Variants in GLIS3 observed in about 807,000 individuals in gnomAD.
GLIS3 encodes the protein GLIS family zinc finger 3, also known as zinc finger protein GLIS3.
In GLIS3, 53 loss-of-function variants were observed where a neutral mutation model predicts 78.6. That is an observed-to-expected ratio of 0.67 (90% confidence interval 0.54 to 0.85). GLIS3 has a LOEUF of 0.85. GLIS3 is among the 40% of genes least tolerant of loss of function. GLIS3 has a pLI of 0.00. For missense variants in GLIS3, 1,703 were observed against 1,231.1 expected (o/e 1.38, Z -5.74); for synonymous variants, 684 against 509.9 (o/e 1.34, Z -4.60).
intron 3 of GLIS3, among the ~76,000 whole-genome samples, chr9:4,123,355 A>G (rs1832329491): frequency 6.6e-6 from 1 of 152,142 alleles, no homozygotes; most frequent in South Asian, 2.1e-4. Flanking sequence ...CCTGCAGTAC[A>G]GTTTGAGAAT....
intron 2 of GLIS3, among the ~76,000 whole-genome samples, chr9:4,324,350 T>A (rs1034549734): frequency 6.6e-6 from 1 of 152,204 alleles, no homozygotes; most frequent in Non-Finnish European, 1.5e-5. Context: ...TTCAATGTCA[T>A]CTTAGATAAG....
the GLIS3 span, among the ~76,000 whole-genome samples, chr9:4,483,684 C>G: frequency 6.7e-6 from 1 of 149,172 alleles, no homozygotes; most frequent in African/African-American, 2.5e-5. Context: ...CATGCCACTG[C>G]GCTTCAGCCT....
chr9:4,090,842 G>A (rs889176692), intron 4 of GLIS3, among the ~76,000 whole-genome samples: 8 of 152,190 alleles, frequency 5.3e-5, no homozygotes, highest in African/African-American at 1.4e-4. Context: ...CTGGTATGCT[G>A]GAGTCACTAG....
intron 2 of GLIS3, among the ~76,000 whole-genome samples, chr9:4,273,457 G>A (rs747992301): frequency 2.0e-5 from 3 of 152,104 alleles, no homozygotes; most frequent in Non-Finnish European, 4.4e-5. Context: ...GCTGGGCATG[G>A]TAGCTAATGC....
the GLIS3 span, among the ~76,000 whole-genome samples, chr9:4,468,203 A>T: frequency 1.1e-4 from 17 of 152,348 alleles, no homozygotes; most frequent in East Asian, 3.3e-3. Context: ...CAAGTTGGAA[A>T]ACACTCTGCA....
intron 2 of GLIS3, among the ~76,000 whole-genome samples, chr9:4,194,546 G>A (rs535691945): frequency 2.0e-5 from 3 of 152,282 alleles, no homozygotes; most frequent in African/African-American, 7.2e-5. Flanking sequence ...TCAGCCACTT[G>A]GAAACAGCAA....
chr9:4,326,734 C>G (rs375545101), intron 2 of GLIS3, among the ~76,000 whole-genome samples: 5 of 151,994 alleles, frequency 3.3e-5, no homozygotes, highest in Admixed American at 3.3e-4. Context: ...ATGGAACCTA[C>G]AGCAACAGCA....
chr9:4,274,807 T>G (rs974825011), intron 2 of GLIS3, among the ~76,000 whole-genome samples: 1 of 152,182 alleles, frequency 6.6e-6, no homozygotes, highest in Admixed American at 6.5e-5. Context: ...ATTGTTAAAA[T>G]GCACATTCTG....
intron 2 of GLIS3, among the ~76,000 whole-genome samples, chr9:4,345,120 G>A (rs1220857064): frequency 1.3e-5 from 2 of 152,084 alleles, no homozygotes; most frequent in Non-Finnish European, 2.9e-5. Flanking sequence ...CCCCCTCAGA[G>A]CAAAAGCCTG....
intron 2 of GLIS3, among the ~76,000 whole-genome samples, chr9:4,172,900 A>G (rs1463957029): frequency 6.6e-6 from 1 of 152,208 alleles, no homozygotes; most frequent in African/African-American, 2.4e-5. Flanking sequence ...AGATCAGGCT[A>G]TCATGTAGGG....
At chr9:3,915,922 A>G (rs1377864757) in intron 6 of GLIS3, among the ~76,000 whole-genome samples, 1 of 152,214 alleles carries the variant, frequency 6.6e-6, no homozygotes, top group Non-Finnish European at 1.5e-5. Context: ...ACCATCCTCC[A>G]AAGAACTAGG....
chr9:3,908,706 G>GTTTTTTTTTTTTTTTTTTTTTTTTTT (rs34789708), intron 6 of GLIS3, among the ~76,000 whole-genome samples: 2 of 85,562 alleles, frequency 2.3e-5, no homozygotes, highest in Admixed American at 1.5e-4. Flanking sequence ...ATTTGTATTT[G>GTTTTTTTTTTTTTTTTTTTTTTTTTT]TTTTTTTTTT....
chr9:3,976,937 C>T (rs1032000215), intron 4 of GLIS3, among the ~76,000 whole-genome samples: 1 of 150,076 alleles, frequency 6.7e-6, no homozygotes, highest in Non-Finnish European at 1.5e-5. Flanking sequence ...TGTTTAATCG[C>T]CCAGCAATGC....
chr9:4,356,898 A>T, the GLIS3 span, among the ~76,000 whole-genome samples: 380 of 152,364 alleles, frequency 2.5e-3, no homozygotes, highest in Non-Finnish European at 4.7e-3. Flanking sequence ...CAAGAGCATT[A>T]TACCAGGAGC....
intron 4 of GLIS3, among the ~76,000 whole-genome samples, chr9:4,112,196 A>C (rs1831273995): frequency 6.6e-6 from 1 of 152,238 alleles, no homozygotes; most frequent in Non-Finnish European, 1.5e-5. Context: ...AATTGTGAAG[A>C]AAGAGACTCT....
At chr9:4,283,523 C>G (rs1229239745) in intron 2 of GLIS3, among the ~76,000 whole-genome samples, 1 of 152,114 alleles carries the variant, frequency 6.6e-6, no homozygotes, top group African/African-American at 2.4e-5. Context: ...GCCTTGGCCT[C>G]CCAAACTGCT....
At chr9:3,995,891 T>C (rs1043533022) in intron 4 of GLIS3, among the ~76,000 whole-genome samples, 15 of 152,252 alleles carry the variant, frequency 9.9e-5, no homozygotes, top group Middle Eastern at 3.4e-3. Flanking sequence ...AATGGCAACA[T>C]TTTGAAAAAG....
At chr9:4,147,989 T>G (rs1834361498) in intron 2 of GLIS3, among the ~76,000 whole-genome samples, 1 of 152,216 alleles carries the variant, frequency 6.6e-6, no homozygotes, top group Admixed American at 6.5e-5. Flanking sequence ...TGTATTATGT[T>G]GAAAATAAGC....
chr9:4,054,276 C>A (rs1825958783), intron 4 of GLIS3: 1 of 926,352 alleles, frequency 1.1e-6, no homozygotes, highest in Non-Finnish European at 1.3e-6. Flanking sequence ...CTATTCTCAG[C>A]ACAGACCAGA....
Sources: allele counts gnomAD v4.1 joint callset (sites outside exome capture counted in the v4.1 genomes callset), GRCh38; gene constraint gnomAD v4.1.1; transcripts MANE v1.5; gene names NCBI Gene and HGNC (gene_info 2026-07-23, HGNC 2026-07-21).